The following PHF21A variants were observed in gnomAD, a reference collection of about 807,000 sequenced individuals.
The protein encoded by PHF21A is BHC80a.
In PHF21A, 11 loss-of-function variants were observed where a neutral mutation model predicts 82.5. The observed-to-expected ratio is 0.13, with a 90% CI of 0.08 to 0.22. The LOEUF (loss-of-function observed/expected upper bound fraction) is 0.22. PHF21A is among the 10% of genes least tolerant of loss of function. The probability of loss-of-function intolerance (pLI) is 1.00; values close to 1 mark genes in which losing one functional copy is unlikely to be tolerated. For synonymous variants in PHF21A, 297 were observed against 302.8 expected, an observed-to-expected ratio of 0.98 and a Z score of 0.20; for missense variants, 579 against 837.8, an observed-to-expected ratio of 0.69 and a Z score of 3.81.
chr11:46,076,719 C>T (rs372866292), intron 6 of PHF21A, 35 bp downstream of exon 6: 32 of 1,548,812 alleles, frequency 2.1e-5, no homozygotes, highest in South Asian at 1.9e-4. Flanking sequence ...TAGAACACAA[C>T]GTTAAAAATA....
At chr11:46,090,199 G>C (rs2135430574) in intron 3 of PHF21A, among the ~76,000 whole-genome samples, 1 of 152,046 alleles carries the variant, frequency 6.6e-6, no homozygotes, top group African/African-American at 2.4e-5. Flanking sequence ...ATGAGGCCAA[G>C]GTTTTAGAAC....
In PHF21A at chr11:45,985,851, T is replaced by C. The variant is rs1323737593; in HGVS notation, c.154-5885A>G. On this transcript the variant is annotated intron_variant, in intron 6 of 18. Transcript: ENST00000676320. Reference sequence around the variant, plus strand: ...AAGGTCTCTTTCCTGGTTTTGAGATTTGGGGACATAATTATTTTATAGTTC... The same window carrying C: ...AAGGTCTCTTTCCTGGTTTTGAGATCTGGGGACATAATTATTTTATAGTTC... Among the ~76,000 whole-genome samples, 4 of 152,104 alleles carry C rather than the reference T, an allele frequency of 2.6e-5. No individual in the cohort carries two copies. In the East Asian group the frequency reaches 7.7e-4, roughly 29 times the overall value.
intron 6 of PHF21A, among the ~76,000 whole-genome samples, chr11:45,984,645 G>C (rs767150306): frequency 6.6e-6 from 1 of 152,122 alleles, no homozygotes; most frequent in South Asian, 2.1e-4. Context: ...GAAGGGAGAC[G>C]GAGAGACGGA....
chr11:46,067,360 G>A (rs1489249804), intron 6 of PHF21A, among the ~76,000 whole-genome samples: 2 of 151,904 alleles, frequency 1.3e-5, no homozygotes, highest in East Asian at 3.8e-4. Flanking sequence ...GAAAATGAAG[G>A]GTTTTCTGAG....
intron 1 of PHF21A, among the ~76,000 whole-genome samples, chr11:46,119,396 C>G: frequency 6.6e-6 from 1 of 152,206 alleles, no homozygotes; most frequent in East Asian, 1.9e-4. Context: ...CTCCCAGAGA[C>G]ATCATTTTAA....
At chr11:45,993,070 G>A (rs752087890) in intron 6 of PHF21A, among the ~76,000 whole-genome samples, 2 of 152,122 alleles carry the variant, frequency 1.3e-5, no homozygotes, top group Non-Finnish European at 2.9e-5. Flanking sequence ...CCAGAACACT[G>A]AAACTAACAT....
rs867661668 is a variant in PHF21A, at chr11:46,090,443, G to A, written c.-84+12C>T. The A allele has an allele frequency of 1.3e-5, 2 of 152,100 alleles. No individual in the cohort carries two copies. The highest frequency in any genetic ancestry group is 4.8e-5 in the African/African-American group (2 of 41,406). The allele number at this position is 152,100 out of a possible 1,614,324, so 9.4% of individuals were successfully genotyped here. A position where few individuals can be genotyped will look rare whatever the true frequency, so the allele number is the denominator to read the frequency against. ...CTAAGGATAAGAGTCGTACAAAAAA[G>A]GAATGGGTTACCTTATGAGGTAGTG... On this transcript the variant is annotated intron_variant, in intron 3 of 18. Coordinates refer to ENST00000676320, the MANE Select transcript of PHF21A (RefSeq NM_001352027.3).
Position 46,099,914 on chromosome 11 carries a change from G to T in PHF21A, c.-236-7691C>A, listed in dbSNP as rs543935665. Reference sequence around the variant, plus strand: ...ACTTTAGGCCTAAAAACTAAAAATGGTTCCATACAATTTACATTTTTTAAA... The same window carrying T: ...ACTTTAGGCCTAAAAACTAAAAATGTTTCCATACAATTTACATTTTTTAAA... On this transcript the variant is annotated intron_variant, in intron 1 of 18. Transcript: ENST00000676320. Among the ~76,000 whole-genome samples the T allele has an allele frequency of 5.3e-5, 8 of 152,160 alleles. No individual in the cohort carries two copies. The East Asian group carries it at 1.5e-3, about 29-fold the overall frequency.
chr11:46,052,722 C>T (rs1297090371), intron 6 of PHF21A, among the ~76,000 whole-genome samples: 1 of 152,104 alleles, frequency 6.6e-6, no homozygotes, highest in African/African-American at 2.4e-5. Flanking sequence ...CCTGGTGGAG[C>T]CTCTGAAATC....
At chr11:46,102,984 A>T (rs2097113927) in intron 1 of PHF21A, among the ~76,000 whole-genome samples, 1 of 152,198 alleles carries the variant, frequency 6.6e-6, no homozygotes, top group Non-Finnish European at 1.5e-5. Flanking sequence ...CAAGAGGGTA[A>T]GCAGAGAAGC....
intron 6 of PHF21A, among the ~76,000 whole-genome samples, chr11:45,990,104 C>T (rs1264363978): frequency 3.3e-5 from 5 of 152,014 alleles, no homozygotes; most frequent in South Asian, 2.1e-4. Context: ...AAATCTAATC[C>T]ACAAATTTCT....
intron 6 of PHF21A, among the ~76,000 whole-genome samples, chr11:46,024,014 ATG>A (rs1170741037): frequency 8.5e-6 from 1 of 118,158 alleles, no homozygotes; most frequent in Non-Finnish European, 1.8e-5. Context: ...AACCTGTAAC[ATG>A]TGGGAACACT....
rs2093894973 is a variant in PHF21A at position 45,973,845 on chromosome 11, C to G, written c.361-2478G>C. On this transcript the variant is annotated intron_variant, in intron 7 of 18. Transcript: ENST00000676320. ...TGTGGGAGTAAAGCTCTAGTCAGAA[C>G]TCACTGACATGGATTTTAAAGAAAC... is the stretch of plus-strand genomic sequence containing the variant. 2.0e-5 allele frequency among the ~76,000 whole-genome samples: 3 copies of G among 152,198 alleles called. 1 individual carries two copies. The South Asian group carries it at 6.2e-4, about 32-fold the overall frequency.
intron 6 of PHF21A, among the ~76,000 whole-genome samples, chr11:46,050,069 C>A (rs1565733614): frequency 6.6e-6 from 1 of 152,330 alleles, no homozygotes; most frequent in East Asian, 1.9e-4. Context: ...GCAAGTCTTT[C>A]CCCAGCAGAG....
In PHF21A at chr11:45,932,404, CAAG is replaced by C; in HGVS notation, c.*1561_*1563del. The C allele has an allele frequency of 6.6e-6, 1 of 152,354 alleles. No individual in the cohort carries two copies. The highest frequency in any genetic ancestry group is 6.5e-5 in the Admixed American group (1 of 15,310). The allele number at this position is 152,354 out of a possible 1,614,324, so 9.4% of individuals were successfully genotyped here. On this transcript the variant is annotated 3_prime_UTR_variant, in exon 19 of 19. Coordinates refer to ENST00000676320, the MANE Select transcript of PHF21A (RefSeq NM_001352027.3). This position sits in a 1 kb window ranked among gnomAD's most constrained non-coding sequence, Gnocchi z 4.3. ...ACAACAGGAGACAAGATCCCTGCACCAAGAAGAGAGCACGGTCTTTTCTGAGGA... is the reference window on the plus strand; with the variant it reads ...ACAACAGGAGACAAGATCCCTGCACCAAGAGAGCACGGTCTTTTCTGAGGA...
chr11:46,070,255 C>T (rs1469035219), intron 6 of PHF21A, among the ~76,000 whole-genome samples: 9 of 152,084 alleles, frequency 5.9e-5, no homozygotes, highest in Non-Finnish European at 1.2e-4. Context: ...ATTCCATAAA[C>T]GGCAAGATGA....
chr11:46,027,340 T>C (rs1011937003), intron 6 of PHF21A, among the ~76,000 whole-genome samples: 17 of 152,230 alleles, frequency 1.1e-4, no homozygotes, highest in African/African-American at 1.7e-4. Flanking sequence ...TATTTATACA[T>C]GTATAAGGGG....
Position 45,934,213 on chromosome 11 carries a change from T to C in PHF21A, c.1801A>G (p.Met601Val), listed in dbSNP as rs762102676. Residue 601 changes from methionine to valine, a missense_variant, in exon 19 of 19, where the codon ATG (methionine) becomes GTG (valine). Met to Val is a conservative substitution (Grantham distance 21). Around this residue, in one of 3 missense-constraint regions of PHF21A, gnomAD observed 157 missense variants for 149.4 expected, o/e 1.05. Coordinates refer to ENST00000676320, the MANE Select transcript of PHF21A (RefSeq NM_001352027.3). The stretch of plus-strand genomic sequence containing the variant: ...TGCCGGGCCAGGATGGTGTTCTTCA[T>C]TTCCATGCATTTCTGCAGCAAATGA... ...LSNSISKCME[M>V]KNTILARQKE... 29 of 1,612,546 alleles carry C rather than the reference T, an allele frequency of 1.8e-5. No homozygotes were observed. The highest frequency in any genetic ancestry group is 2.7e-5 in the African/African-American group (2 of 74,916).
chr11:45,979,900 T>G lies in PHF21A; in HGVS notation c.220A>C (p.Ile74Leu), dbSNP rs755032513. 5.6e-6 allele frequency: 9 copies of G among 1,614,088 alleles called. No homozygotes were observed. The highest frequency in any genetic ancestry group is 7.6e-6 in the Non-Finnish European group (9 of 1,180,048). The change falls in exon 7 of 19, where the codon ATA becomes CTA. Residue 74 changes from isoleucine to leucine, a missense_variant. By Grantham distance (5) the Ile-to-Leu change is conservative (BLOSUM62 2). This residue lies in a region of PHF21A where 410 missense variants were observed against 642.1 expected (regional missense o/e 0.64). Transcript: ENST00000676320. ...VKQEQPDKFQIQPLPQSENKL... is the reference protein window; with the variant it reads ...VKQEQPDKFQLQPLPQSENKL... ...TTTTCAGATTGTGGCAATGGCTGTA[T>G]TTGGAACTTGTCCGGTTGTTCTTGC...
Sources: allele counts gnomAD v4.1 joint callset (sites outside exome capture counted in the v4.1 genomes callset), GRCh38; gene constraint gnomAD v4.1.1; regional missense constraint gnomAD v4.1.1; non-coding constraint Gnocchi (gnomAD v3.1); transcripts MANE v1.5; gene names NCBI Gene and HGNC (gene_info 2026-07-23, HGNC 2026-07-21).